Variants in PTK2 observed in about 807,000 individuals in gnomAD.
PTK2 encodes focal adhesion kinase 1.
In PTK2, 45 loss-of-function variants were observed where a neutral mutation model predicts 150.1. The ratio of observed to expected loss-of-function variants is 0.30; its 90% confidence interval spans 0.24 to 0.38. The LOEUF is 0.38. PTK2 is among the 10% of genes least tolerant of loss of function. The pLI, the probability that PTK2 is intolerant of heterozygous loss-of-function variation, is 1.00. For missense variants in PTK2, 919 were observed against 1,307.3 expected, an observed-to-expected ratio of 0.70 and a Z score of 4.58; for synonymous variants, 432 against 449.2, an observed-to-expected ratio of 0.96 and a Z score of 0.48.
At chr8:140,897,339 T>G (rs2100156701) in intron 2 of PTK2, among the ~76,000 whole-genome samples, 1 of 152,162 alleles carries the variant, frequency 6.6e-6, no homozygotes, top group African/African-American at 2.4e-5. Flanking sequence ...AGAATGTGAT[T>G]TTGCTCCTAT....
chr8:140,949,463 G>T (rs147333149), intron 1 of PTK2, among the ~76,000 whole-genome samples: 1 of 152,174 alleles, frequency 6.6e-6, no homozygotes. Context: ...GCATCCCTGC[G>T]TTCTTAGGGG....
At chr8:140,866,713 G>C (rs932429118) in intron 4 of PTK2, among the ~76,000 whole-genome samples, 1 of 152,218 alleles carries the variant, frequency 6.6e-6, no homozygotes, top group Non-Finnish European at 1.5e-5. Flanking sequence ...CTCAGGTACA[G>C]TTGGAGTGGT....
At chr8:140,819,829 C>CTT (rs1167992308) in intron 8 of PTK2, among the ~76,000 whole-genome samples, 1 of 152,046 alleles carries the variant, frequency 6.6e-6, no homozygotes, top group Non-Finnish European at 1.5e-5. Flanking sequence ...TCCTTTTTCG[C>CTT]TTATTTGAGT....
intron 4 of PTK2, among the ~76,000 whole-genome samples, chr8:140,870,228 CTTTTA>C (rs1366037427): frequency 6.6e-6 from 1 of 152,124 alleles, no homozygotes; most frequent in African/African-American, 2.4e-5. Context: ...ATAATCTTTT[CTTTTA>C]TAAGCACATA....
At chr8:140,987,578 C>T (rs1345156171) in intron 1 of PTK2, among the ~76,000 whole-genome samples, 4 of 152,156 alleles carry the variant, frequency 2.6e-5, no homozygotes, top group African/African-American at 4.8e-5. Flanking sequence ...ATTTGGGAAA[C>T]GCAAATTAAA....
At position 140,811,618 on chromosome 8, in the gene PTK2, T is replaced by C. The variant is rs144777058; in HGVS notation, c.867+6659A>G. 5.2e-3 allele frequency among the ~76,000 whole-genome samples: 792 copies of C among 152,242 alleles called. 7 individuals carry two copies. Among genetic ancestry groups the C allele is most frequent in the African/African-American group, 0.018 (755 of 41,548 alleles). On this transcript the variant is annotated intron_variant, in intron 10 of 31. Transcript: ENST00000522684. ...AGAACATGGATAGGAATGAAGATCA[T>C]TGAGATGTAGGAGTACACTGAAACC...
intron 2 of PTK2, among the ~76,000 whole-genome samples, chr8:140,925,356 C>G (rs545990491): frequency 6.6e-6 from 1 of 152,270 alleles, no homozygotes; most frequent in African/African-American, 2.4e-5. Context: ...CTCCAATTAG[C>G]ACTTGATAAT....
At chr8:140,783,709 T>C (rs1344008560) in intron 14 of PTK2, among the ~76,000 whole-genome samples, 1 of 152,248 alleles carries the variant, frequency 6.6e-6, no homozygotes, top group African/African-American at 2.4e-5. Context: ...ATTTATTTCA[T>C]TAAATGTTTT....
intron 13 of PTK2, among the ~76,000 whole-genome samples, chr8:140,792,598 G>C (rs543352424): frequency 6.6e-6 from 1 of 152,190 alleles, no homozygotes; most frequent in Non-Finnish European, 1.5e-5. Flanking sequence ...AGCTAAACAC[G>C]GGGGAGACAC....
chr8:140,995,539 T>A (rs1170529691), intron 1 of PTK2, among the ~76,000 whole-genome samples: 1 of 151,968 alleles, frequency 6.6e-6, no homozygotes, highest in Non-Finnish European at 1.5e-5. Flanking sequence ...GGCACAGTGG[T>A]GATGCCTGTA....
At chr8:140,726,753 C>T (rs2100046086) in intron 22 of PTK2, among the ~76,000 whole-genome samples, 1 of 152,130 alleles carries the variant, frequency 6.6e-6, no homozygotes, top group South Asian at 2.1e-4. Context: ...AAAAATTATT[C>T]ATCTGATGGG....
At chr8:140,658,837 C>A (rs1477777549) in exon 32 of PTK2, 3 of 225,042 alleles carry the variant, frequency 1.3e-5, no homozygotes, top group African/African-American at 2.2e-5. Context: ...AGCTAGTTCC[C>A]GACCCAATGC....
At position 140,743,214 on chromosome 8, in the gene PTK2, T is replaced by TAC; in HGVS notation, c.1735+14_1735+15dup. On this transcript the variant is annotated intron_variant, in intron 20 of 31. Coordinates refer to ENST00000522684, the Ensembl canonical transcript of PTK2. The stretch of plus-strand genomic sequence containing the variant: ...GATTCCAAGCCTATTTCTTAGGTAC[T>TAC]ACTCTGATTTCTTACCTTTGTAGTA... 1 of 1,508,564 alleles carries TAC rather than the reference T, an allele frequency of 6.6e-7. No individual in the cohort carries two copies. The highest frequency in any genetic ancestry group is 9.2e-7 in the Non-Finnish European group (1 of 1,085,558). The allele number at this position is 1,508,564 out of a possible 1,614,324, so 93.4% of individuals were successfully genotyped here. A position where few individuals can be genotyped will look rare whatever the true frequency, so the allele number is the denominator to read the frequency against.
intron 23 of PTK2, among the ~76,000 whole-genome samples, chr8:140,716,140 G>C (rs1331326692): frequency 1.3e-5 from 2 of 152,194 alleles, no homozygotes; most frequent in Non-Finnish European, 2.9e-5. Context: ...AATAAGGAAT[G>C]TGAGATTTGG....
intron 22 of PTK2, among the ~76,000 whole-genome samples, chr8:140,733,904 A>G (rs2100051055): frequency 6.6e-6 from 1 of 152,146 alleles, no homozygotes; most frequent in African/African-American, 2.4e-5. Context: ...AACCAGTGAT[A>G]CCTCGGTCTC....
chr8:140,994,245 C>T (rs1381696332), intron 1 of PTK2, among the ~76,000 whole-genome samples: 5 of 152,158 alleles, frequency 3.3e-5, no homozygotes, highest in African/African-American at 1.2e-4. Context: ...GAGGACAGTG[C>T]CACTAAGGCA....
intron 14 of PTK2, 134 bp downstream of exon 14, chr8:140,789,340 T>G (rs963024068): frequency 1.8e-5 from 14 of 791,652 alleles, no homozygotes; most frequent in Non-Finnish European, 2.6e-5. Context: ...GGTAAAATTA[T>G]GCAAATTTGG....
intron 24 of PTK2, among the ~76,000 whole-genome samples, chr8:140,703,780 C>G (rs981291365): frequency 9.2e-5 from 14 of 152,296 alleles, no homozygotes; most frequent in African/African-American, 3.1e-4. Flanking sequence ...AGATGGGTTT[C>G]TTTACATGGT....
chr8:140,967,327 T>C (rs1163932477), intron 1 of PTK2, among the ~76,000 whole-genome samples: 3 of 152,176 alleles, frequency 2.0e-5, no homozygotes, highest in African/African-American at 7.2e-5. Flanking sequence ...TAATGTTCAA[T>C]ATGACATATT....
Sources: allele counts gnomAD v4.1 joint callset (sites outside exome capture counted in the v4.1 genomes callset), GRCh38; gene constraint gnomAD v4.1.1; transcripts MANE v1.5; gene names NCBI Gene and HGNC (gene_info 2026-07-23, HGNC 2026-07-21).